The following CDK17 variants were observed in gnomAD, a reference collection of about 807,000 sequenced individuals.
CDK17 encodes cyclin dependent kinase 17, also known as cyclin-dependent kinase 17.
CDK17 carries 24 observed loss-of-function variants against 77.6 expected under a neutral mutation model. The ratio of observed to expected loss-of-function variants is 0.31; its 90% CI spans 0.22 to 0.44. CDK17 has a LOEUF of 0.44. Ranked by LOEUF, CDK17 falls within the 20% of genes least tolerant of loss-of-function variation. The probability of loss-of-function intolerance (pLI) is 1.00; values close to 1 mark genes in which losing one functional copy is unlikely to be tolerated. For missense variants in CDK17, 429 were observed against 622.5 expected, an observed-to-expected ratio of 0.69 and a Z score of 3.31; for synonymous variants, 203 against 210.4, an observed-to-expected ratio of 0.96 and a Z score of 0.30.
intron 6 of CDK17, 89 bp downstream of exon 6, chr12:96,300,215 T>C (rs1952477808): frequency 1.1e-6 from 1 of 881,942 alleles, no homozygotes; most frequent in Non-Finnish European, 1.9e-6. Flanking sequence ...ACTTACGTTT[T>C]TTCCAGGTTA....
At chr12:96,316,501 C>T (rs1024617433) in intron 3 of CDK17, among the ~76,000 whole-genome samples, 3 of 149,128 alleles carry the variant, frequency 2.0e-5, no homozygotes, top group Non-Finnish European at 4.5e-5. Flanking sequence ...CCTCTGGGGG[C>T]AGGGCACAGA....
chr12:96,391,898 T>G (rs1272136593), intron 1 of CDK17, among the ~76,000 whole-genome samples: 1 of 152,190 alleles, frequency 6.6e-6, no homozygotes, highest in Admixed American at 6.5e-5. Context: ...ATTTGAAACC[T>G]TTTACACTTT....
chr12:96,333,212 T>A (rs1394399984), intron 2 of CDK17, among the ~76,000 whole-genome samples: 2 of 152,112 alleles, frequency 1.3e-5, no homozygotes. Context: ...TTGCTCTGTG[T>A]ATCTAGAATA....
intron 2 of CDK17, among the ~76,000 whole-genome samples, chr12:96,327,986 C>G (rs1369056915): frequency 1.3e-5 from 2 of 152,172 alleles, no homozygotes; most frequent in Non-Finnish European, 2.9e-5. Flanking sequence ...CAGTACTGGT[C>G]CATGGCCTGT....
intron 1 of CDK17, among the ~76,000 whole-genome samples, chr12:96,348,534 A>C (rs1210086810): frequency 7.3e-5 from 11 of 151,194 alleles, no homozygotes; most frequent in South Asian, 4.1e-4. Flanking sequence ...AAAAAAAAAA[A>C]AAAAAAAACA....
rs1322164845 is a variant in CDK17 at position 96,332,155 on chromosome 12, G to C, written c.118+2564C>G. ...ATTCAGTACCATAATACACTGTACAGGTTTGTAGCCTATAAGTAACAGGTT... is the reference window on the plus strand; with the variant it reads ...ATTCAGTACCATAATACACTGTACACGTTTGTAGCCTATAAGTAACAGGTT... On this transcript the variant is annotated intron_variant, in intron 2 of 16. Coordinates refer to ENST00000261211, the MANE Select transcript of CDK17 (RefSeq NM_002595.5). Among the ~76,000 whole-genome samples, 7 of 152,164 alleles carry C rather than the reference G, an allele frequency of 4.6e-5. No homozygotes were observed. In the South Asian group the frequency reaches 6.2e-4, roughly 14 times the overall value.
intron 1 of CDK17, among the ~76,000 whole-genome samples, chr12:96,349,282 C>T (rs1426131225): frequency 6.6e-6 from 1 of 151,932 alleles, no homozygotes; most frequent in Non-Finnish European, 1.5e-5. Flanking sequence ...GGTGAAACCC[C>T]GTCTCTACTA....
rs187496260 is a variant in CDK17, at chr12:96,385,172, C to T, written c.-30+14814G>A. Among the ~76,000 whole-genome samples the T allele has an allele frequency of 4.6e-5, 7 of 152,026 alleles. No homozygotes were observed. In the East Asian group the frequency reaches 7.7e-4, roughly 17 times the overall value. On this transcript the variant is annotated intron_variant, in intron 1 of 16. Transcript: ENST00000261211. ...ACTAAAAATACAAAAATTAGCCAGG[C>T]GTGGTGGTGGGCACCTGTAGTCCCA...
At chr12:96,295,284 T>C (rs1326424455) in intron 9 of CDK17, 162 bp from the exon 10 acceptor site, 2 of 465,250 alleles carry the variant, frequency 4.3e-6, no homozygotes, top group Non-Finnish European at 7.5e-6. Flanking sequence ...TTATATATAG[T>C]GGCTTTCTGA....
At chr12:96,347,470 G>C (rs1057227929) in intron 1 of CDK17, among the ~76,000 whole-genome samples, 2 of 151,068 alleles carry the variant, frequency 1.3e-5, no homozygotes, top group African/African-American at 4.9e-5. Flanking sequence ...AGGAAGCTGA[G>C]ACAGGAGAAT....
At position 96,384,211 on chromosome 12, in the gene CDK17, C is replaced by T. The variant is rs529673910; in HGVS notation, c.-30+15775G>A. ...TGAAAACCACAACAAAATACCATCT[C>T]ACACCAGTCAGAATGGCTATTATTA... On this transcript the variant is annotated intron_variant, in intron 1 of 16. Transcript: ENST00000261211. 7.2e-5 allele frequency among the ~76,000 whole-genome samples: 11 copies of T among 152,304 alleles called. No individual in the cohort carries two copies. The South Asian group carries it at 1.0e-3, about 14-fold the overall frequency.
At chr12:96,330,116 C>A (rs1040670253) in intron 2 of CDK17, among the ~76,000 whole-genome samples, 2 of 152,246 alleles carry the variant, frequency 1.3e-5, no homozygotes, top group Non-Finnish European at 1.5e-5. Context: ...TTATTCTCTT[C>A]CTCACATTTA....
chr12:96,344,824 ATTG>A (rs982750962), intron 1 of CDK17, among the ~76,000 whole-genome samples: 11 of 151,984 alleles, frequency 7.2e-5, no homozygotes, highest in South Asian at 2.1e-4. Context: ...TAATTATTTT[ATTG>A]TTGTTGTTTT....
intron 1 of CDK17, among the ~76,000 whole-genome samples, chr12:96,391,134 T>C (rs940421715): frequency 4.6e-5 from 7 of 151,956 alleles, no homozygotes; most frequent in Admixed American, 3.9e-4. Context: ...ATACATAAAC[T>C]ACCACAGCAG....
intron 1 of CDK17, among the ~76,000 whole-genome samples, chr12:96,395,938 G>C (rs144966478): frequency 6.6e-6 from 1 of 152,288 alleles, no homozygotes; most frequent in East Asian, 1.9e-4. Context: ...ATACGTCTGT[G>C]TTTTAAGCCA....
chr12:96,309,874 T>C (rs1952623987), intron 5 of CDK17, among the ~76,000 whole-genome samples: 1 of 152,176 alleles, frequency 6.6e-6, no homozygotes, highest in African/African-American at 2.4e-5. Context: ...CAACCAGAAC[T>C]ATTATATGCT....
At chr12:96,301,256 A>AAAAC (rs1197943218) in intron 5 of CDK17, among the ~76,000 whole-genome samples, 2 of 112,374 alleles carry the variant, frequency 1.8e-5, no homozygotes, top group African/African-American at 3.1e-5. Context: ...AAAAAAAAAA[A>AAAAC]AAACAAACAA....
chr12:96,295,815 A>G (rs892037239), intron 9 of CDK17, among the ~76,000 whole-genome samples: 5 of 152,214 alleles, frequency 3.3e-5, no homozygotes, highest in African/African-American at 1.2e-4. Context: ...TAATTCCTAT[A>G]AGGCTAATGG....
chr12:96,386,997 G>GTAAAATATC (rs2137237598), intron 1 of CDK17: 1 of 310,920 alleles, frequency 3.2e-6, no homozygotes, highest in Admixed American at 4.0e-5. Flanking sequence ...GTCTGGTAGA[G>GTAAAATATC]TAAAATATCT....
Sources: allele counts gnomAD v4.1 joint callset (sites outside exome capture counted in the v4.1 genomes callset), GRCh38; gene constraint gnomAD v4.1.1; transcripts MANE v1.5; gene names NCBI Gene and HGNC (gene_info 2026-07-23, HGNC 2026-07-21).